RNFT2: variants seen among roughly 807,000 people sequenced by gnomAD.
RNFT2 encodes the protein ring finger protein, transmembrane 2.
A neutral mutation model predicts 53.0 loss-of-function variants in RNFT2; 36 were observed. That is an observed-to-expected ratio of 0.68 (90% CI 0.52 to 0.90). The LOEUF (loss-of-function observed/expected upper bound fraction) is 0.90, where lower values mean the gene tolerates loss of function less well. Ranked by LOEUF, RNFT2 falls within the 40% of genes least tolerant of loss-of-function variation. RNFT2 has a pLI of 0.00. For missense variants in RNFT2, 514 were observed against 585.6 expected (o/e 0.88, Z 1.26); for synonymous variants, 260 against 253.2 (o/e 1.03, Z -0.26).
chr12:116,738,818 A>T (rs979494026), intron 1 of RNFT2: 5 of 152,206 alleles, frequency 3.3e-5, no homozygotes, highest in Non-Finnish European at 5.9e-5. Flanking sequence ...TTTAGGAGTT[A>T]AATGTGTGGA....
In RNFT2 at chr12:116,755,074, A is replaced by C. The variant is rs908985539; in HGVS notation, c.627+1014A>C. 1.2e-4 allele frequency among the ~76,000 whole-genome samples: 19 copies of C among 152,310 alleles called. No individual in the cohort carries two copies. In the East Asian group the frequency reaches 2.9e-3, roughly 23 times the overall value. On this transcript the variant is annotated intron_variant, in intron 5 of 10. Coordinates refer to ENST00000257575, the MANE Select transcript of RNFT2 (RefSeq NM_001382266.1). ...GAAATCCTTGCCTAAGCCAATGTCT[A>C]GAAGGGTTTTTCCAATGTTATCTTC...
chr12:116,794,214 A>G (rs1245322511), intron 7 of RNFT2, among the ~76,000 whole-genome samples: 1 of 148,354 alleles, frequency 6.7e-6, no homozygotes, highest in Non-Finnish European at 1.5e-5. Flanking sequence ...GCAGTGAGCA[A>G]TGACTGGGCC....
At position 116,833,911 on chromosome 12, in the gene RNFT2, G is replaced by A. The variant is rs775295041; in HGVS notation, c.1002G>A (p.Gly334=). ...CCTCCAACAGCTACTTCCTGGGCGG[G>A]GTCCTGATCGTTCTCTACAGCCTCT... ...DDSSNSYFLG[G]VLIVLYSLCK... is the part of the protein sequence containing the mutation. The change falls in exon 8 of 11, where the codon GGG becomes GGA. Residue 334 remains glycine, a synonymous_variant. Transcript: ENST00000257575. 4.3e-6 allele frequency: 7 copies of A among 1,612,198 alleles called. No homozygotes were observed. In the African/African-American group the frequency reaches 9.4e-5, roughly 22 times the overall value.
intron 3 of RNFT2, among the ~76,000 whole-genome samples, chr12:116,748,032 A>G (rs1336546424): frequency 1.3e-5 from 2 of 152,102 alleles, no homozygotes; most frequent in African/African-American, 4.8e-5. Context: ...CTCTCTAAAA[A>G]TACAAAAATT....
intron 7 of RNFT2, among the ~76,000 whole-genome samples, chr12:116,809,339 A>C (rs1875248319): frequency 6.6e-6 from 1 of 152,098 alleles, no homozygotes; most frequent in African/African-American, 2.4e-5. Flanking sequence ...TGATGAGAGG[A>C]GAGGTCCTTC....
chr12:116,792,307 C>A (rs528408030), intron 7 of RNFT2, among the ~76,000 whole-genome samples: 1 of 152,274 alleles, frequency 6.6e-6, no homozygotes, highest in African/African-American at 2.4e-5. Flanking sequence ...ACCTCGGCCT[C>A]CCAAAGTGCT....
In RNFT2 at chr12:116,753,969, T is replaced by C. The variant is rs1206633739; in HGVS notation, c.551-15T>C. ...AGTCTAAGTGGGTGACATCAGGCCCTTCTCTGTCCCACAGGCATTGCTGTG... is the reference window on the plus strand; with the variant it reads ...AGTCTAAGTGGGTGACATCAGGCCCCTCTCTGTCCCACAGGCATTGCTGTG... On this transcript the variant is annotated splice_polypyrimidine_tract_variant and intron_variant, in intron 4 of 10. Coordinates refer to ENST00000257575, the MANE Select transcript of RNFT2 (RefSeq NM_001382266.1). The C allele has an allele frequency of 6.2e-7, 1 of 1,613,238 alleles. No homozygotes were observed. Among genetic ancestry groups the C allele is most frequent in the Non-Finnish European group, 8.5e-7 (1 of 1,179,244 alleles).
chr12:116,758,855 C>A (rs778161907), intron 5 of RNFT2, among the ~76,000 whole-genome samples: 2 of 152,122 alleles, frequency 1.3e-5, no homozygotes, highest in Non-Finnish European at 2.9e-5. Flanking sequence ...GACCTTTTTG[C>A]GATGAATTTC....
intron 3 of RNFT2, among the ~76,000 whole-genome samples, chr12:116,744,170 G>A (rs1039077419): frequency 7.5e-5 from 11 of 146,994 alleles, no homozygotes; most frequent in Middle Eastern, 3.5e-3. Flanking sequence ...AGGCTGCAAC[G>A]AGCAGAGATC....
At chr12:116,803,859 T>C (rs1874924456) in intron 7 of RNFT2, among the ~76,000 whole-genome samples, 1 of 152,206 alleles carries the variant, frequency 6.6e-6, no homozygotes. Context: ...GAGAATTACA[T>C]GAAAGGTTTT....
At position 116,806,399 on chromosome 12, in the gene RNFT2, TAG is replaced by T. The variant is rs1412696339; in HGVS notation, c.882+27053_882+27054del. 1.5e-3 allele frequency among the ~76,000 whole-genome samples: 213 copies of T among 143,146 alleles called. 1 individual carries two copies. Among genetic ancestry groups the T allele is most frequent in the South Asian group, 0.011 (46 of 4,322 alleles). 93.9% of individuals were successfully genotyped at this position (143,146 alleles called of 152,430 possible). On this transcript the variant is annotated intron_variant, in intron 7 of 10. Coordinates refer to ENST00000257575, the MANE Select transcript of RNFT2 (RefSeq NM_001382266.1). ...AAAAAAAAATATATATATATATATA[TAG>T]ATAGATAGATAGATAGATAGATAGA...
At chr12:116,803,709 C>T (rs78807400) in intron 7 of RNFT2, among the ~76,000 whole-genome samples, 2,740 of 152,292 alleles carry the variant, frequency 0.018, 48 homozygotes, top group South Asian at 0.064. Context: ...ATCACCATCC[C>T]CCAGGATGTT....
At chr12:116,779,495 A>C in intron 7 of RNFT2, 147 bp downstream of exon 7, 1 of 829,380 alleles carries the variant, frequency 1.2e-6, no homozygotes, top group Non-Finnish European at 1.9e-6. Flanking sequence ...AGCTCCTGTC[A>C]CCCACCTCTT....
chr12:116,848,034 C>T (rs1877706374), intron 10 of RNFT2, among the ~76,000 whole-genome samples: 1 of 151,792 alleles, frequency 6.6e-6, no homozygotes, highest in Non-Finnish European at 1.5e-5. Context: ...GTATGTTGTT[C>T]CCCTCCCTGT....
At chr12:116,756,132 T>C (rs369937790) in intron 5 of RNFT2, among the ~76,000 whole-genome samples, 1 of 152,126 alleles carries the variant, frequency 6.6e-6, no homozygotes. Flanking sequence ...GAGGATTGCA[T>C]TGAATTTGTA....
At chr12:116,743,226 A>C (rs1259669775) in intron 3 of RNFT2, among the ~76,000 whole-genome samples, 2 of 116,028 alleles carry the variant, frequency 1.7e-5, no homozygotes, top group Admixed American at 9.7e-5. Context: ...AAAAAAAAAA[A>C]AAAAAAAAAA....
chr12:116,754,148 T>A, intron 5 of RNFT2, 88 bp downstream of exon 5: 1 of 1,041,788 alleles, frequency 9.6e-7, no homozygotes. Flanking sequence ...GTCTCCAGAG[T>A]TCATTGTATC....
chr12:116,754,578 G>A (rs1157513656), intron 5 of RNFT2, among the ~76,000 whole-genome samples: 3 of 152,106 alleles, frequency 2.0e-5, no homozygotes, highest in South Asian at 2.1e-4. Context: ...TTTTCATAGC[G>A]GTTGTACTAG....
At chr12:116,760,010 T>C (rs1872637070) in intron 5 of RNFT2, among the ~76,000 whole-genome samples, 1 of 152,048 alleles carries the variant, frequency 6.6e-6, no homozygotes, top group Non-Finnish European at 1.5e-5. Context: ...GACCTCTCAC[T>C]CTCCTTGGGC....
Sources: gnomAD v4.1 joint callset for allele counts (sites outside exome capture counted in the v4.1 genomes callset) on GRCh38, gnomAD v4.1.1 for gene constraint, MANE v1.5 for transcripts, NCBI Gene and HGNC (gene_info 2026-07-23, HGNC 2026-07-21) for gene names.